Variants in SPATA9 observed in about 807,000 individuals in gnomAD.
The protein encoded by SPATA9 is spermatogenesis associated 9.
SPATA9 carries 27 observed loss-of-function variants against 25.5 expected under a neutral mutation model. The ratio of observed to expected loss-of-function variants is 1.06; its 90% CI spans 0.78 to 1.46. The LOEUF is 1.46. Among genes scored for constraint, SPATA9 ranks in the 40% most tolerant of loss-of-function variants. SPATA9 has a pLI of 0.00. For missense variants in SPATA9, 282 were observed against 297.5 expected, an observed-to-expected ratio of 0.95 and a Z score of 0.38; for synonymous variants, 102 against 105.7, an observed-to-expected ratio of 0.97 and a Z score of 0.21.
At chr5:95,662,825 T>C (rs1170581384) in intron 4 of SPATA9, among the ~76,000 whole-genome samples, 2 of 151,214 alleles carry the variant, frequency 1.3e-5, no homozygotes. Context: ...GCCAAGGAGA[T>C]GCAAATTAAA....
At chr5:95,721,033 C>A in the SPATA9 span, among the ~76,000 whole-genome samples, 1 of 152,264 alleles carries the variant, frequency 6.6e-6, no homozygotes, top group African/African-American at 2.4e-5. Context: ...CATGACACAT[C>A]CCTTAATTTT....
intron 1 of SPATA9, among the ~76,000 whole-genome samples, chr5:95,689,112 G>C (rs934495628): frequency 6.6e-6 from 1 of 152,096 alleles, no homozygotes; most frequent in Non-Finnish European, 1.5e-5. Flanking sequence ...ACTGTAACCC[G>C]TTATAGTGAA....
upstream of SPATA9, among the ~76,000 whole-genome samples, chr5:95,700,651 C>T (rs1464032490): frequency 3.3e-5 from 5 of 152,014 alleles, no homozygotes; most frequent in Admixed American, 6.6e-5. Context: ...TGGTCTCAAA[C>T]TCCTGGCCTC....
chr5:95,698,002 C>T (rs139817761), intron 1 of SPATA9, among the ~76,000 whole-genome samples: 264 of 151,942 alleles, frequency 1.7e-3, no homozygotes, highest in African/African-American at 6.1e-3. Context: ...ATGCCTACTA[C>T]TTCATATTTA....
intron 1 of SPATA9, among the ~76,000 whole-genome samples, chr5:95,693,139 T>C (rs1034831357): frequency 5.9e-5 from 9 of 152,220 alleles, no homozygotes; most frequent in East Asian, 1.9e-4. Flanking sequence ...CACGCACTGA[T>C]AGCGAGAATG....
chr5:95,702,944 T>C (rs1266729750), upstream of SPATA9, among the ~76,000 whole-genome samples: 1 of 152,210 alleles, frequency 6.6e-6, no homozygotes, highest in Non-Finnish European at 1.5e-5. Context: ...AGCACTTCAC[T>C]CCTATAGTTT....
the SPATA9 span, among the ~76,000 whole-genome samples, chr5:95,704,368 T>A: frequency 6.6e-6 from 1 of 152,202 alleles, no homozygotes; most frequent in Non-Finnish European, 1.5e-5. Context: ...GACACATGAC[T>A]GTAGCAGCTG....
chr5:95,673,983 G>T (rs192905904), intron 3 of SPATA9, among the ~76,000 whole-genome samples: 133 of 151,894 alleles, frequency 8.8e-4, no homozygotes, highest in Middle Eastern at 3.4e-3. Context: ...CAAAGGATCC[G>T]CCCGCCTCAG....
upstream of SPATA9, among the ~76,000 whole-genome samples, chr5:95,703,693 T>C (rs1308580948): frequency 6.6e-6 from 1 of 152,088 alleles, no homozygotes; most frequent in Non-Finnish European, 1.5e-5. Context: ...ATATATATCA[T>C]ATATTCATAA....
At chr5:95,678,179 C>A (rs1226395021) in intron 2 of SPATA9, among the ~76,000 whole-genome samples, 1 of 152,142 alleles carries the variant, frequency 6.6e-6, no homozygotes, top group African/African-American at 2.4e-5. Flanking sequence ...GAGTTTGAGA[C>A]CAGCCTGGCC....
the SPATA9 span, chr5:95,731,030 C>T: frequency 4.1e-6 from 4 of 967,614 alleles, no homozygotes; most frequent in South Asian, 1.6e-5. Flanking sequence ...CCCCACCCCC[C>T]TTTCCTGGCT....
chr5:95,674,905 C>CT lies in SPATA9; in HGVS notation c.378+506dup, dbSNP rs1320782379. The CT allele has an allele frequency of 5.7e-5, 22 of 387,420 alleles. No homozygotes were observed. In the East Asian group the frequency reaches 1.5e-3, roughly 27 times the overall value. 24.0% of individuals were successfully genotyped at this position (387,420 alleles called of 1,614,324 possible). A position where few individuals can be genotyped will look rare whatever the true frequency, so the allele number is the denominator to read the frequency against. On this transcript the variant is annotated intron_variant, in intron 3 of 4. Transcript: ENST00000274432. ...TGTATAATGCCCAAATTGAAAAACT[C>CT]TGAGTTCTGTGCCACGAAGTTTAGA...
At chr5:95,719,868 C>T in the SPATA9 span, 26 of 152,154 alleles carry the variant, frequency 1.7e-4, no homozygotes, top group Non-Finnish European at 2.5e-4. Context: ...TGTGATAACT[C>T]GGTGTTGGTA....
At chr5:95,731,583 G>A in the SPATA9 span, 148 of 1,562,706 alleles carry the variant, frequency 9.5e-5, no homozygotes, top group Non-Finnish European at 1.2e-4. Context: ...ACGCGGCCGG[G>A]GATGAGCGGA....
At chr5:95,690,648 G>T (rs1015838217) in intron 1 of SPATA9, among the ~76,000 whole-genome samples, 4 of 151,980 alleles carry the variant, frequency 2.6e-5, no homozygotes, top group Admixed American at 2.0e-4. Flanking sequence ...AGATATTATG[G>T]GTTTCCTAAT....
the SPATA9 span, among the ~76,000 whole-genome samples, chr5:95,706,390 T>C: frequency 6.6e-6 from 1 of 151,834 alleles, no homozygotes; most frequent in South Asian, 2.1e-4. Flanking sequence ...CACCTCCCCC[T>C]TCCCTCCCTT....
the SPATA9 span, chr5:95,730,997 C>T: frequency 4.8e-6 from 3 of 620,488 alleles, no homozygotes; most frequent in Middle Eastern, 3.1e-4. Flanking sequence ...TTTTCCAGTC[C>T]GGAGTGAGCG....
chr5:95,661,308 T>C (rs1751237435), intron 4 of SPATA9, among the ~76,000 whole-genome samples: 1 of 152,134 alleles, frequency 6.6e-6, no homozygotes, highest in Admixed American at 6.6e-5. Context: ...TTCTGTTGAC[T>C]TACCTGTCTT....
the SPATA9 span, chr5:95,731,209 C>G: frequency 1.0e-6 from 1 of 1,001,484 alleles, no homozygotes; most frequent in Non-Finnish European, 1.2e-6. Context: ...CCGCGGGGAG[C>G]GCGTCCCCCG....
Sources: allele counts gnomAD v4.1 joint callset (sites outside exome capture counted in the v4.1 genomes callset), GRCh38; gene constraint gnomAD v4.1.1; transcripts MANE v1.5; gene names NCBI Gene and HGNC (gene_info 2026-07-23, HGNC 2026-07-21).